Variants in SV2B observed in about 807,000 individuals in gnomAD.
SV2B encodes synaptic vesicle glycoprotein 2B.
In SV2B, 41 loss-of-function variants were observed where a neutral mutation model predicts 73.9. The ratio of observed to expected loss-of-function variants is 0.56; its 90% CI spans 0.43 to 0.72. The LOEUF is 0.72. SV2B is among the 30% of genes least tolerant of loss of function. SV2B has a pLI of 0.00. For synonymous variants in SV2B, 314 were observed against 314.2 expected, an observed-to-expected ratio of 1.00 and a Z score of 0.01; for missense variants, 764 against 857.8, an observed-to-expected ratio of 0.89 and a Z score of 1.37.
rs1401647907 is a variant in SV2B at position 91,158,699 on chromosome 15, CTCT to C, written c.-392+58337_-392+58339del. ...CTCTTCTCTTCTCTTCTCTTCTCTT[CTCT>C]CCTCTCCTCTCCTCTCCTCTCCTCT... On this transcript the variant is annotated intron_variant, in intron 1 of 12. Coordinates refer to ENST00000394232, the MANE Select transcript of SV2B (RefSeq NM_001323032.3). Among the ~76,000 whole-genome samples, 59 of 55,348 alleles carry C rather than the reference CTCT, an allele frequency of 1.1e-3. 1 individual carries two copies. The highest frequency in any genetic ancestry group is 1.4e-3 in the Non-Finnish European group (32 of 22,544). 36.3% of individuals were successfully genotyped at this position (55,348 alleles called of 152,430 possible).
At chr15:91,235,244 G>T (rs1454466338) in intron 2 of SV2B, among the ~76,000 whole-genome samples, 3 of 152,200 alleles carry the variant, frequency 2.0e-5, no homozygotes, top group Non-Finnish European at 4.4e-5. Context: ...AGGCCTTAAA[G>T]ACATTTCTGC....
rs185652619 is a variant in SV2B at position 91,238,862 on chromosome 15, T to C, written c.451+12148T>C. Among the ~76,000 whole-genome samples the C allele has an allele frequency of 6.6e-3, 1,000 of 151,858 alleles. 8 individuals carry two copies. Among genetic ancestry groups the C allele is most frequent in the Non-Finnish European group, 0.011 (719 of 67,944 alleles). On this transcript the variant is annotated intron_variant, in intron 2 of 12. Transcript: ENST00000394232. ...AACAGAGCACAAAGAATTTCCCGCATCCCTTCCGCCAGCAACCCGGTCAGA... is the reference window on the plus strand; with the variant it reads ...AACAGAGCACAAAGAATTTCCCGCACCCCTTCCGCCAGCAACCCGGTCAGA...
Position 91,137,490 on chromosome 15 carries a change from G to A in SV2B, c.-392+37127G>A, listed in dbSNP as rs891961904. ...GCATGAGGTGGAAGACAAATTACAT[G>A]TATATTTACTTTGAGACTCAGAAAT... is the stretch of plus-strand genomic sequence containing the variant. On this transcript the variant is annotated intron_variant, in intron 1 of 12. Transcript: ENST00000394232. This position sits in a 1 kb window ranked among gnomAD's most constrained non-coding sequence, Gnocchi z 4.9. 6.6e-6 allele frequency among the ~76,000 whole-genome samples: 1 copy of A among 150,970 alleles called. No homozygotes were observed. The highest frequency in any genetic ancestry group is 2.4e-5 in the African/African-American group (1 of 41,232).
chr15:91,255,175 C>G (rs1048197387), intron 4 of SV2B, among the ~76,000 whole-genome samples: 1 of 152,148 alleles, frequency 6.6e-6, no homozygotes, highest in Non-Finnish European at 1.5e-5. Context: ...GACACACACA[C>G]TATTGTCTAA....
rs1046343309 is a variant in SV2B, at chr15:91,179,647, A to G, written c.-391-46226A>G. ...GAATTGATCCCTTTACCATTATATA[A>G]TGGCCTTCTTTGTCTCTTTTGATCT... On this transcript the variant is annotated intron_variant, in intron 1 of 12. Transcript: ENST00000394232. Among the ~76,000 whole-genome samples the G allele has an allele frequency of 2.2e-4, 34 of 152,132 alleles. 1 individual carries two copies. Among genetic ancestry groups the G allele is most frequent in the Non-Finnish European group, 4.4e-5 (3 of 68,024 alleles).
chr15:91,292,255 G>GA lies in SV2B; in HGVS notation c.1869-106dup, dbSNP rs573578723. On this transcript the variant is annotated intron_variant, in intron 12 of 12. Coordinates refer to ENST00000394232, the MANE Select transcript of SV2B (RefSeq NM_001323032.3). ...GAGAATGTGTTATTTTTATATTTAG[G>GA]AAAAAAAACTCCCTTGCACCCTCTT... 3.7e-4 allele frequency: 362 copies of GA among 982,378 alleles called. 1 individual carries two copies. Among genetic ancestry groups the GA allele is most frequent in the African/African-American group, 3.4e-3 (201 of 59,842 alleles). The allele number at this position is 982,378 out of a possible 1,614,324, so 60.9% of individuals were successfully genotyped here. A position where few individuals can be genotyped will look rare whatever the true frequency, so the allele number is the denominator to read the frequency against.
At chr15:91,275,955 G>T (rs1446799346) in intron 9 of SV2B, among the ~76,000 whole-genome samples, 1 of 152,112 alleles carries the variant, frequency 6.6e-6, no homozygotes, top group Non-Finnish European at 1.5e-5. Flanking sequence ...ATTTCTTGTA[G>T]TGAAATTATG....
chr15:91,157,507 C>A (rs1198997469), intron 1 of SV2B, among the ~76,000 whole-genome samples: 1 of 152,188 alleles, frequency 6.6e-6, no homozygotes, highest in Non-Finnish European at 1.5e-5. Context: ...CTTTGTGATG[C>A]TCTCTCGATA....
chr15:91,266,698 A>C lies in SV2B; in HGVS notation c.1119+6A>C. On this transcript the variant is annotated splice_donor_region_variant and intron_variant, in intron 7 of 12. Coordinates refer to ENST00000394232, the MANE Select transcript of SV2B (RefSeq NM_001323032.3). The stretch of plus-strand genomic sequence containing the variant: ...TCAAGACCATTTTCAAGCAGGTATG[A>C]TTGGGAACTTACTTTGGATGAGGAT... 1 of 1,608,132 alleles carries C rather than the reference A, an allele frequency of 6.2e-7. No individual in the cohort carries two copies. The highest frequency in any genetic ancestry group is 8.5e-7 in the Non-Finnish European group (1 of 1,175,954).
At chr15:91,254,653 T>C in intron 4 of SV2B, among the ~76,000 whole-genome samples, 1 of 152,176 alleles carries the variant, frequency 6.6e-6, no homozygotes, top group East Asian at 1.9e-4. Flanking sequence ...AGTCAATCCA[T>C]CTTTTCAGCC....
intron 1 of SV2B, among the ~76,000 whole-genome samples, chr15:91,204,556 CTT>C (rs568973449): frequency 7.0e-5 from 9 of 127,786 alleles, no homozygotes; most frequent in African/African-American, 8.7e-5. Flanking sequence ...TCTTCTTCTT[CTT>C]TTTTTTTTTT....
rs529673599 is a variant in SV2B at position 91,152,171 on chromosome 15, G to T, written c.-392+51808G>T. Among the ~76,000 whole-genome samples the T allele has an allele frequency of 6.6e-5, 10 of 151,252 alleles. No homozygotes were observed. The East Asian group carries it at 1.6e-3, about 24-fold the overall frequency. On this transcript the variant is annotated intron_variant, in intron 1 of 12. Coordinates refer to ENST00000394232, the MANE Select transcript of SV2B (RefSeq NM_001323032.3). The stretch of plus-strand genomic sequence containing the variant: ...GTGTGGAAGGGGACCCAAGCGGGTT[G>T]CCCAGTTTTTACTCTTTAAAAAAAT...
intron 2 of SV2B, among the ~76,000 whole-genome samples, chr15:91,246,696 C>T: frequency 6.6e-6 from 1 of 150,852 alleles, no homozygotes; most frequent in Non-Finnish European, 1.5e-5. Context: ...CACTCCACCA[C>T]ATCGCTCCTC....
chr15:91,156,092 G>A (rs183366500), intron 1 of SV2B, among the ~76,000 whole-genome samples: 24 of 152,236 alleles, frequency 1.6e-4, no homozygotes, highest in East Asian at 3.9e-4. Flanking sequence ...TTTTATGTTC[G>A]TGTCAGAGGA....
rs1227525287 is a variant in SV2B at position 91,177,692 on chromosome 15, TTGTC to T, written c.-391-48177_-391-48174del. ...GTTCACTCATGATTTGGCTCTCTGT[TTGTC>T]TGTTATTGGTGTATAAGAATGCTTG... On this transcript the variant is annotated intron_variant, in intron 1 of 12. Coordinates refer to ENST00000394232, the MANE Select transcript of SV2B (RefSeq NM_001323032.3). Among the ~76,000 whole-genome samples, 5 of 122,922 alleles carry T rather than the reference TTGTC, an allele frequency of 4.1e-5. 1 individual carries two copies. The highest frequency in any genetic ancestry group is 3.7e-4 in the Admixed American group (5 of 13,414). 80.6% of individuals were successfully genotyped at this position (122,922 alleles called of 152,430 possible). A position where few individuals can be genotyped will look rare whatever the true frequency, so the allele number is the denominator to read the frequency against.
At chr15:91,186,548 A>G (rs546369814) in intron 1 of SV2B, among the ~76,000 whole-genome samples, 4 of 152,336 alleles carry the variant, frequency 2.6e-5, no homozygotes, top group Admixed American at 1.3e-4. Flanking sequence ...GTAGTTATCA[A>G]CAAGTTGTAG....
rs142898512 is a variant in SV2B at position 91,251,319 on chromosome 15, A to G, written c.452-500A>G. 8.7e-4 allele frequency among the ~76,000 whole-genome samples: 132 copies of G among 152,336 alleles called. No individual in the cohort carries two copies. In the East Asian group the frequency reaches 0.014, roughly 16 times the overall value. On this transcript the variant is annotated intron_variant, in intron 2 of 12. Coordinates refer to ENST00000394232, the MANE Select transcript of SV2B (RefSeq NM_001323032.3). ...ATACTACATTTCCTTAAGGCTAGAC[A>G]TTGGTTGTAGCTTGAAGAAAGGTCC...
intron 1 of SV2B, among the ~76,000 whole-genome samples, chr15:91,159,334 G>T (rs1346162401): frequency 6.6e-6 from 1 of 152,124 alleles, no homozygotes; most frequent in African/African-American, 2.4e-5. Context: ...TGAATCTCTG[G>T]ATAGTCAGAT....
chr15:91,137,646 A>ATATATTTCATATATACG lies in SV2B; in HGVS notation c.-392+37288_-392+37289insTTCATATATACGTATAT, dbSNP rs2042881157. 3.0e-5 allele frequency among the ~76,000 whole-genome samples: 1 copy of ATATATTTCATATATACG among 33,066 alleles called. No homozygotes were observed. The highest frequency in any genetic ancestry group is 7.6e-5 in the Non-Finnish European group (1 of 13,242). 21.7% of individuals were successfully genotyped at this position (33,066 alleles called of 152,430 possible). A position where few individuals can be genotyped will look rare whatever the true frequency, so the allele number is the denominator to read the frequency against. On this transcript the variant is annotated intron_variant, in intron 1 of 12. Coordinates refer to ENST00000394232, the MANE Select transcript of SV2B (RefSeq NM_001323032.3). The surrounding 1 kb of genome is among the most constrained non-coding windows in gnomAD (Gnocchi z 4.9). ...ATATATACATATATTTCATATATAC[A>ATATATTTCATATATACG]TATATATTTCATATATACATATATT... is the stretch of plus-strand genomic sequence containing the variant.
Sources: allele counts gnomAD v4.1 joint callset (sites outside exome capture counted in the v4.1 genomes callset), GRCh38; gene constraint gnomAD v4.1.1; non-coding constraint Gnocchi (gnomAD v3.1); transcripts MANE v1.5; gene names NCBI Gene and HGNC (gene_info 2026-07-23, HGNC 2026-07-21).